The following CLRN1 variants were observed in gnomAD, a reference collection of about 807,000 sequenced individuals.
CLRN1 encodes the protein clarin 1, also known as clarin-1.
In CLRN1, 15 loss-of-function variants were observed where a neutral mutation model predicts 18.7. The ratio of observed to expected loss-of-function variants is 0.80; its 90% CI spans 0.54 to 1.23. CLRN1 has a LOEUF of 1.23. CLRN1 is among the 50% of genes most tolerant of loss of function. CLRN1 has a pLI of 0.00. For synonymous variants in CLRN1, 104 were observed against 102.9 expected, an observed-to-expected ratio of 1.01 and a Z score of -0.07; for missense variants, 311 against 277.5, an observed-to-expected ratio of 1.12 and a Z score of -0.86.
At chr3:150,972,840 C>G, upstream of CLRN1, 1 of 1,262,772 alleles carries the variant, frequency 7.9e-7, no homozygotes, top group East Asian at 2.5e-5. Context: ...GGCAACTTCA[C>G]CATCGACGGT....
chr3:150,958,905 A>G (rs1488574411), intron 1 of CLRN1, among the ~76,000 whole-genome samples: 1 of 152,256 alleles, frequency 6.6e-6, no homozygotes, highest in African/African-American at 2.4e-5. Flanking sequence ...TTTAATTGCC[A>G]GTGTGACAGC....
At position 150,926,970 on chromosome 3, in the gene CLRN1, C is replaced by A. The variant is rs1456080866; in HGVS notation, c.*966G>T. ...ACAAGACCAAGATGATACAGTGATA[C>A]CGTCATAATCCCAGATTTAATATAA... On this transcript the variant is annotated 3_prime_UTR_variant, in exon 3 of 3. Coordinates refer to ENST00000327047, the MANE Select transcript of CLRN1 (RefSeq NM_174878.3). 1 of 1,588,314 alleles carries A rather than the reference C, an allele frequency of 6.3e-7. No homozygotes were observed. The highest frequency in any genetic ancestry group is 1.7e-5 in the Admixed American group (1 of 57,718).
intron 1 of CLRN1, among the ~76,000 whole-genome samples, chr3:150,944,579 G>T (rs1251121409): frequency 1.3e-5 from 2 of 151,418 alleles, no homozygotes; most frequent in African/African-American, 4.9e-5. Flanking sequence ...AAGAATCCAG[G>T]CCGGGTGCGG....
intron 2 of CLRN1, among the ~76,000 whole-genome samples, chr3:150,940,169 A>G (rs1713732527): frequency 6.6e-6 from 1 of 152,246 alleles, no homozygotes; most frequent in East Asian, 1.9e-4. Flanking sequence ...AAAGGCTTAG[A>G]CTCTTCTGTT....
chr3:150,946,036 AT>A (rs1230161152), intron 1 of CLRN1, among the ~76,000 whole-genome samples: 1 of 152,240 alleles, frequency 6.6e-6, no homozygotes, highest in Non-Finnish European at 1.5e-5. Context: ...TAGCATATTC[AT>A]ACAATGGAAT....
At chr3:150,957,238 TACACACACACACACACAC>T (rs34726423) in intron 1 of CLRN1, among the ~76,000 whole-genome samples, 2 of 147,068 alleles carry the variant, frequency 1.4e-5, no homozygotes, top group East Asian at 4.0e-4. Context: ...TCCCATTTTA[TACACACACACACACACAC>T]ACACACACAC....
chr3:150,944,029 T>C (rs1205695799), intron 1 of CLRN1: 1 of 953,726 alleles, frequency 1.0e-6, no homozygotes, highest in Non-Finnish European at 1.6e-6. Context: ...TAGTGATACA[T>C]ATGATGGAGA....
intron 1 of CLRN1, among the ~76,000 whole-genome samples, chr3:150,947,246 G>A (rs936013491): frequency 6.6e-6 from 1 of 151,896 alleles, no homozygotes; most frequent in Non-Finnish European, 1.5e-5. Context: ...GAAAAAAGCA[G>A]GGGTTGCAAT....
intron 2 of CLRN1, among the ~76,000 whole-genome samples, chr3:150,939,941 A>G (rs1208900019): frequency 6.6e-6 from 1 of 151,964 alleles, no homozygotes; most frequent in Admixed American, 6.6e-5. Flanking sequence ...ATGATATTCC[A>G]TCCCTCTCCT....
chr3:150,935,188 C>T (rs889798005), intron 2 of CLRN1, among the ~76,000 whole-genome samples: 4 of 151,666 alleles, frequency 2.6e-5, no homozygotes, highest in Non-Finnish European at 5.9e-5. Context: ...TACGTGTGCT[C>T]AATGTGCAGG....
At chr3:150,951,175 G>A (rs570438034) in intron 1 of CLRN1, among the ~76,000 whole-genome samples, 24 of 152,150 alleles carry the variant, frequency 1.6e-4, no homozygotes, top group African/African-American at 4.3e-4. Flanking sequence ...GGAGGAGCAG[G>A]AAAGAATCTG....
rs183836204 is a variant in CLRN1 at position 150,959,779 on chromosome 3, A to G, written c.253+12677T>C. Among the ~76,000 whole-genome samples the G allele has an allele frequency of 1.3e-3, 204 of 152,228 alleles. 1 individual carries two copies. The highest frequency in any genetic ancestry group is 4.7e-3 in the African/African-American group (194 of 41,538). ...GTATGGCTTTCATTTCAGTTGTCTT[A>G]CCATTCATTTTACTTCTATCTGCTG... is the stretch of plus-strand genomic sequence containing the variant. On this transcript the variant is annotated intron_variant, in intron 1 of 2. Transcript: ENST00000327047.
At position 150,953,665 on chromosome 3, in the gene CLRN1, G is replaced by A. The variant is rs572765526; in HGVS notation, c.254-11904C>T. On this transcript the variant is annotated intron_variant, in intron 1 of 2. Coordinates refer to ENST00000327047, the MANE Select transcript of CLRN1 (RefSeq NM_174878.3). ...CTCAAGTAGCTGGGATTACAAGCAC[G>A]CACCACCAAGCCCAGCTAATTTTTG... Among the ~76,000 whole-genome samples the A allele has an allele frequency of 5.3e-5, 8 of 151,992 alleles. No individual in the cohort carries two copies. The South Asian group carries it at 8.3e-4, about 16-fold the overall frequency.
chr3:150,968,325 A>G (rs1715358150), intron 1 of CLRN1, among the ~76,000 whole-genome samples: 1 of 152,232 alleles, frequency 6.6e-6, no homozygotes, highest in Admixed American at 6.5e-5. Flanking sequence ...TTAAAATTTT[A>G]CAGGTGACAT....
chr3:150,937,190 A>T (rs200953082), intron 2 of CLRN1, among the ~76,000 whole-genome samples: 2 of 152,120 alleles, frequency 1.3e-5, no homozygotes, highest in African/African-American at 4.8e-5. Flanking sequence ...TATCACCCTT[A>T]TTGTAATTAT....
chr3:150,950,222 T>G (rs183451664), intron 1 of CLRN1, among the ~76,000 whole-genome samples: 1 of 152,174 alleles, frequency 6.6e-6, no homozygotes, highest in African/African-American at 2.4e-5. Context: ...GAAGACAACC[T>G]AGGCAATATC....
At chr3:150,930,285 C>T (rs535490908) in intron 2 of CLRN1, among the ~76,000 whole-genome samples, 31 of 152,002 alleles carry the variant, frequency 2.0e-4, no homozygotes, top group Non-Finnish European at 3.4e-4. Flanking sequence ...GGAGGAGCTA[C>T]GGTGCAAGTG....
intron 2 of CLRN1, among the ~76,000 whole-genome samples, chr3:150,934,360 T>A (rs1183198460): frequency 6.6e-6 from 1 of 152,194 alleles, no homozygotes; most frequent in African/African-American, 2.4e-5. Context: ...TTGGCATAAC[T>A]CATAGCAGAC....
chr3:150,946,081 T>C lies in CLRN1; in HGVS notation c.254-4320A>G, dbSNP rs143298509. Among the ~76,000 whole-genome samples, 308 of 152,282 alleles carry C rather than the reference T, an allele frequency of 2.0e-3. 2 individuals are homozygous for C. The highest frequency in any genetic ancestry group is 6.9e-3 in the African/African-American group (287 of 41,544). ...ATGATTACAAAGAATGAAGCAAATCTATAACAACATGTATGGAATTATTCA... is the reference window on the plus strand; with the variant it reads ...ATGATTACAAAGAATGAAGCAAATCCATAACAACATGTATGGAATTATTCA... On this transcript the variant is annotated intron_variant, in intron 1 of 2. Coordinates refer to ENST00000327047, the MANE Select transcript of CLRN1 (RefSeq NM_174878.3).
Sources: allele counts gnomAD v4.1 joint callset (sites outside exome capture counted in the v4.1 genomes callset), GRCh38; gene constraint gnomAD v4.1.1; transcripts MANE v1.5; gene names NCBI Gene and HGNC (gene_info 2026-07-23, HGNC 2026-07-21).